Variants in C8orf34 observed in about 807,000 individuals in gnomAD.
The protein encoded by C8orf34 is chromosome 8 open reading frame 34.
C8orf34 carries 65 observed loss-of-function variants against 68.3 expected under a neutral mutation model. The observed-to-expected ratio is 0.95, with a 90% CI of 0.78 to 1.17. C8orf34 has a LOEUF of 1.17. Ranked by LOEUF, C8orf34 falls within the 50% of genes most tolerant of loss-of-function variation. The probability of loss-of-function intolerance (pLI) is 0.00; values close to 1 mark genes in which losing one functional copy is unlikely to be tolerated. For missense variants in C8orf34, 664 were observed against 655.4 expected, an observed-to-expected ratio of 1.01 and a Z score of -0.14; for synonymous variants, 244 against 241.2, an observed-to-expected ratio of 1.01 and a Z score of -0.11.
rs958590742 is a variant in C8orf34 at position 68,417,935 on chromosome 8, G to A, written c.328-21564G>A. On this transcript the variant is annotated intron_variant, in intron 1 of 13. Transcript: ENST00000518698. ...TTCTTCCTACCCATGAGCATGGAAT[G>A]GTCTTCCATTTGTTTGTATCCTCTT... 1.2e-4 allele frequency among the ~76,000 whole-genome samples: 18 copies of A among 151,338 alleles called. 1 individual carries two copies. The highest frequency in any genetic ancestry group is 2.5e-4 in the Non-Finnish European group (17 of 67,934).
At chr8:68,688,067 C>T (rs188888029) in intron 8 of C8orf34, among the ~76,000 whole-genome samples, 1 of 152,094 alleles carries the variant, frequency 6.6e-6, no homozygotes, top group Non-Finnish European at 1.5e-5. Flanking sequence ...CAAATTAAAG[C>T]TATGATGGGA....
intron 7 of C8orf34, among the ~76,000 whole-genome samples, chr8:68,575,168 T>A (rs1446237313): frequency 1.3e-5 from 2 of 152,078 alleles, no homozygotes; most frequent in African/African-American, 4.8e-5. Context: ...CACAAGGATG[T>A]CATAAGTTTA....
intron 8 of C8orf34, among the ~76,000 whole-genome samples, chr8:68,646,416 T>G (rs1284952249): frequency 6.6e-6 from 1 of 152,148 alleles, no homozygotes; most frequent in Non-Finnish European, 1.5e-5. Flanking sequence ...ATGGAATGAT[T>G]AAATCAAGCA....
Position 68,439,418 on chromosome 8 carries a change from AAT to A in C8orf34, c.328-78_328-77del. 9 of 1,362,826 alleles carry A rather than the reference AAT, an allele frequency of 6.6e-6. No homozygotes were observed. The Admixed American group carries it at 8.3e-5, about 13-fold the overall frequency. 84.4% of individuals were successfully genotyped at this position (1,362,826 alleles called of 1,614,324 possible). ...TAAAGCAGTTAGACCAGTACCTGAC[AAT>A]ATTACATGCTAAGTAAGTGCTTGCT... On this transcript the variant is annotated intron_variant, in intron 1 of 13. Transcript: ENST00000518698.
chr8:68,370,996 G>T (rs1275630494), intron 1 of C8orf34, among the ~76,000 whole-genome samples: 6 of 152,046 alleles, frequency 3.9e-5, no homozygotes, highest in Admixed American at 3.3e-4. Flanking sequence ...GCTGGGGGTG[G>T]GTCTTAAGGG....
intron 1 of C8orf34, chr8:68,438,439 C>T (rs1456307968): frequency 6.6e-6 from 1 of 152,066 alleles, no homozygotes; most frequent in East Asian, 1.9e-4. Context: ...GAACATCATT[C>T]AAGGCAAAGG....
At chr8:68,714,457 A>G (rs1821412261) in intron 9 of C8orf34, among the ~76,000 whole-genome samples, 1 of 152,242 alleles carries the variant, frequency 6.6e-6, no homozygotes, top group African/African-American at 2.4e-5. Flanking sequence ...ATGTACGCAT[A>G]TCAGTAGCTC....
intron 11 of C8orf34, among the ~76,000 whole-genome samples, chr8:68,786,521 G>A (rs1823850822): frequency 6.6e-6 from 1 of 152,204 alleles, no homozygotes; most frequent in African/African-American, 2.4e-5. Context: ...GAATAGAGGA[G>A]TAACTCTGCC....
At chr8:68,418,572 G>C (rs1206625399) in intron 1 of C8orf34, among the ~76,000 whole-genome samples, 2 of 152,038 alleles carry the variant, frequency 1.3e-5, no homozygotes, top group Non-Finnish European at 2.9e-5. Flanking sequence ...TTTGTCTTTG[G>C]TTCTGTTTAT....
chr8:68,336,743 C>T (rs1232318761), intron 1 of C8orf34, among the ~76,000 whole-genome samples: 2 of 152,088 alleles, frequency 1.3e-5, no homozygotes, highest in Non-Finnish European at 2.9e-5. Context: ...TTAAGTAGAA[C>T]CAGGTGTCCT....
At chr8:68,491,083 A>AT (rs1247163228) in intron 5 of C8orf34, among the ~76,000 whole-genome samples, 3 of 152,164 alleles carry the variant, frequency 2.0e-5, no homozygotes, top group African/African-American at 7.2e-5. Flanking sequence ...AAAATATGGA[A>AT]TTTTTTAACC....
At chr8:68,729,636 T>C (rs1821925999) in intron 10 of C8orf34, among the ~76,000 whole-genome samples, 2 of 152,146 alleles carry the variant, frequency 1.3e-5, no homozygotes, top group Non-Finnish European at 2.9e-5. Context: ...TAAAAATCTA[T>C]ACACTTGAAA....
At chr8:68,426,298 A>T (rs1203680052) in intron 1 of C8orf34, among the ~76,000 whole-genome samples, 1 of 152,070 alleles carries the variant, frequency 6.6e-6, no homozygotes, top group Non-Finnish European at 1.5e-5. Flanking sequence ...CTGGTGGATC[A>T]CTTGAGGTCA....
chr8:68,601,541 A>G (rs1433816444), intron 7 of C8orf34, among the ~76,000 whole-genome samples: 1 of 152,036 alleles, frequency 6.6e-6, no homozygotes, highest in Non-Finnish European at 1.5e-5. Flanking sequence ...AATTATTTTC[A>G]GTTATTATAT....
At chr8:68,572,077 A>G (rs1435725799) in intron 7 of C8orf34, among the ~76,000 whole-genome samples, 2 of 152,134 alleles carry the variant, frequency 1.3e-5, no homozygotes, top group African/African-American at 4.8e-5. Context: ...ACCATAGACA[A>G]TTGTAATATA....
At chr8:68,622,819 G>GA (rs1240882069) in intron 7 of C8orf34, among the ~76,000 whole-genome samples, 1 of 152,190 alleles carries the variant, frequency 6.6e-6, no homozygotes, top group Non-Finnish European at 1.5e-5. Context: ...AAAGAGCAAA[G>GA]ATGTTTAAAG....
At chr8:68,706,539 G>T (rs1394330032) in intron 8 of C8orf34, among the ~76,000 whole-genome samples, 1 of 152,182 alleles carries the variant, frequency 6.6e-6, no homozygotes, top group African/African-American at 2.4e-5. Context: ...GTGTTAAGGA[G>T]AGTGACACTG....
intron 4 of C8orf34, among the ~76,000 whole-genome samples, chr8:68,471,925 AACACACACACACACAC>A (rs10596354): frequency 1.4e-5 from 2 of 147,376 alleles, no homozygotes; most frequent in African/African-American, 2.5e-5. Flanking sequence ...GACTTAAATG[AACACACACACACACAC>A]ACACACACAC....
At chr8:68,366,868 C>G (rs1807285686) in intron 1 of C8orf34, among the ~76,000 whole-genome samples, 1 of 143,004 alleles carries the variant, frequency 7.0e-6, no homozygotes, top group South Asian at 2.4e-4. Flanking sequence ...ACACCAAAAG[C>G]AATGGCAACA....
Sources: gnomAD v4.1 joint callset for allele counts (sites outside exome capture counted in the v4.1 genomes callset) on GRCh38, gnomAD v4.1.1 for gene constraint, MANE v1.5 for transcripts, NCBI Gene and HGNC (gene_info 2026-07-23, HGNC 2026-07-21) for gene names.